Variants in IREB2 observed in about 807,000 individuals in gnomAD.
The protein encoded by IREB2 is iron responsive element binding protein 2.
Under a neutral mutation model 118.8 loss-of-function variants are expected in IREB2, and 39 were observed. That is an observed-to-expected ratio of 0.33 (90% CI 0.25 to 0.43). IREB2 has a LOEUF of 0.43. Among genes scored for constraint, IREB2 ranks in the 20% least tolerant of loss-of-function variants. The pLI is 1.00. For synonymous variants in IREB2, 372 were observed against 392.2 expected, an observed-to-expected ratio of 0.95 and a Z score of 0.61; for missense variants, 900 against 1,147.3, an observed-to-expected ratio of 0.78 and a Z score of 3.11.
At chr15:78,450,002 A>G (rs896974964) in intron 2 of IREB2, among the ~76,000 whole-genome samples, 1 of 152,170 alleles carries the variant, frequency 6.6e-6, no homozygotes, top group Non-Finnish European at 1.5e-5. Flanking sequence ...GATTCATAGA[A>G]TTCTAGAAAT....
intron 5 of IREB2, among the ~76,000 whole-genome samples, chr15:78,468,117 G>A (rs568604732): frequency 1.1e-3 from 169 of 152,292 alleles, no homozygotes; most frequent in Middle Eastern, 0.01. Context: ...GCTGCCCAAA[G>A]TGCTGGGATT....
intron 2 of IREB2, among the ~76,000 whole-genome samples, chr15:78,441,207 C>G (rs958633071): frequency 6.6e-6 from 1 of 152,080 alleles, no homozygotes; most frequent in South Asian, 2.1e-4. Context: ...TAAAGAATCC[C>G]CATTTTAGAA....
chr15:78,438,839 A>C (rs1464229084), intron 1 of IREB2: 4 of 161,056 alleles, frequency 2.5e-5, no homozygotes, highest in Non-Finnish European at 4.1e-5. Flanking sequence ...AATGAGGGGC[A>C]GTCAAGGTTG....
At chr15:78,483,870 C>A (rs2051615709) in intron 11 of IREB2, among the ~76,000 whole-genome samples, 1 of 151,678 alleles carries the variant, frequency 6.6e-6, no homozygotes, top group South Asian at 2.1e-4. Context: ...TGCAACCTCC[C>A]CCCTCCCGGG....
At chr15:78,453,325 T>C (rs2051054799) in intron 2 of IREB2, among the ~76,000 whole-genome samples, 3 of 152,166 alleles carry the variant, frequency 2.0e-5, no homozygotes, top group Admixed American at 2.0e-4. Flanking sequence ...TACAAGGCTG[T>C]TGGGATTCTA....
In IREB2 at chr15:78,466,580, T is replaced by TA. The variant is rs1491259198; in HGVS notation, c.629+92dup. On this transcript the variant is annotated intron_variant, in intron 5 of 21. Transcript: ENST00000258886. ...TATTCTCTTCCCACCCAATTACTAT[T>TA]ATGTTACCTTCACACTTAAGTACTG... 4 of 817,788 alleles carry TA rather than the reference T, an allele frequency of 4.9e-6. No individual in the cohort carries two copies. In the East Asian group the frequency reaches 1.0e-4, roughly 21 times the overall value. The allele number at this position is 817,788 out of a possible 1,614,324, so 50.7% of individuals were successfully genotyped here. A position where few individuals can be genotyped will look rare whatever the true frequency, so the allele number is the denominator to read the frequency against.
chr15:78,479,073 C>T (rs200074623), intron 10 of IREB2, among the ~76,000 whole-genome samples: 1 of 152,056 alleles, frequency 6.6e-6, no homozygotes, highest in East Asian at 1.9e-4. Flanking sequence ...CATGAGCCAC[C>T]ACCATGCTTA....
chr15:78,490,545 T>C lies in IREB2; in HGVS notation c.2181+19T>C, dbSNP rs762870315. The C allele has an allele frequency of 3.7e-6, 6 of 1,602,940 alleles. No homozygotes were observed. The South Asian group carries it at 5.6e-5, about 15-fold the overall frequency. ...TAAACTTGTAAGTACTGTTTTACTA[T>C]TTGATCTTTTAAAGATTGTTATAAA... is the stretch of plus-strand genomic sequence containing the variant. On this transcript the variant is annotated intron_variant, in intron 17 of 21. Coordinates refer to ENST00000258886, the MANE Select transcript of IREB2 (RefSeq NM_004136.4).
At chr15:78,448,364 C>G (rs1391847755) in intron 2 of IREB2, among the ~76,000 whole-genome samples, 1 of 152,074 alleles carries the variant, frequency 6.6e-6, no homozygotes, top group Admixed American at 6.6e-5. Context: ...AGGCTGGTCT[C>G]GAGCTCCTGG....
At chr15:78,452,045 G>C (rs746561309) in intron 2 of IREB2, among the ~76,000 whole-genome samples, 4 of 152,198 alleles carry the variant, frequency 2.6e-5, no homozygotes, top group Non-Finnish European at 4.4e-5. Context: ...GGCATCAGCA[G>C]TTTAGGACCA....
At chr15:78,439,920 CTAA>C (rs2050819123) in intron 2 of IREB2, 39 bp downstream of exon 2, 1 of 1,238,976 alleles carries the variant, frequency 8.1e-7, no homozygotes, top group East Asian at 2.3e-5. Context: ...TGTTTAGTCT[CTAA>C]TAATGAAAAT....
chr15:78,454,992 T>A (rs560527721), intron 2 of IREB2, among the ~76,000 whole-genome samples: 1 of 152,058 alleles, frequency 6.6e-6, no homozygotes, highest in Non-Finnish European at 1.5e-5. Flanking sequence ...GCCCAGCCAG[T>A]AAAGTTAGTT....
Position 78,497,235 on chromosome 15 carries a change from T to G in IREB2, c.2705T>G (p.Leu902Trp). ...CTTCCAGGAGAAAATGCAGATTCCT[T>G]GGGCCTCTCCGGTAGAGAAACATTT... ...QFLPGENADSLGLSGRETFSL... is the reference protein window; with the variant it reads ...QFLPGENADSWGLSGRETFSL... Residue 902 changes from leucine to tryptophan, a missense_variant, in exon 21 of 22, where the codon TTG (leucine) becomes TGG (tryptophan). Coordinates refer to ENST00000258886, the MANE Select transcript of IREB2 (RefSeq NM_004136.4). 6.2e-7 allele frequency: 1 copy of G among 1,613,926 alleles called. No homozygotes were observed. Among genetic ancestry groups the G allele is most frequent in the Non-Finnish European group, 8.5e-7 (1 of 1,179,790 alleles).
At position 78,461,387 on chromosome 15, in the gene IREB2, T is replaced by G. The variant is rs543974521; in HGVS notation, c.107-1535T>G. Among the ~76,000 whole-genome samples, 29 of 152,252 alleles carry G rather than the reference T, an allele frequency of 1.9e-4. No homozygotes were observed. The South Asian group carries it at 2.9e-3, about 15-fold the overall frequency. On this transcript the variant is annotated intron_variant, in intron 2 of 21. Coordinates refer to ENST00000258886, the MANE Select transcript of IREB2 (RefSeq NM_004136.4). ...AAAGAGCCTTACCCTTCACCCCTTT[T>G]CCCTCTTCTATCATTTCAGTGACTA... is the stretch of plus-strand genomic sequence containing the variant.
Position 78,469,859 on chromosome 15 carries a change from G to A in IREB2, c.630-673G>A, listed in dbSNP as rs184453119. 2.6e-5 allele frequency among the ~76,000 whole-genome samples: 4 copies of A among 152,294 alleles called. No homozygotes were observed. The East Asian group carries it at 7.7e-4, about 29-fold the overall frequency. ...CACCAGCTGGCAGGTAAAAGAAGCA[G>A]CTTAAAGCTGTTTGAAATAATTTTT... On this transcript the variant is annotated intron_variant, in intron 5 of 21. Coordinates refer to ENST00000258886, the MANE Select transcript of IREB2 (RefSeq NM_004136.4).
intron 2 of IREB2, among the ~76,000 whole-genome samples, chr15:78,455,569 GAAAAAAAA>G (rs199544266): frequency 4.1e-5 from 4 of 98,394 alleles, no homozygotes; most frequent in Admixed American, 1.0e-4. Context: ...CATCTCTATT[GAAAAAAAA>G]AAGAAAAAAA....
At chr15:78,449,149 C>A (rs2050980616) in intron 2 of IREB2, among the ~76,000 whole-genome samples, 1 of 152,188 alleles carries the variant, frequency 6.6e-6, no homozygotes, top group African/African-American at 2.4e-5. Flanking sequence ...CTTCTGATTT[C>A]AAGACCAACG....
chr15:78,458,411 T>C (rs988105127), intron 2 of IREB2, among the ~76,000 whole-genome samples: 1 of 152,138 alleles, frequency 6.6e-6, no homozygotes. Context: ...ATGGGAAATC[T>C]CTATACCTTC....
chr15:78,481,504 C>T (rs1024485584), intron 10 of IREB2, among the ~76,000 whole-genome samples: 19 of 150,338 alleles, frequency 1.3e-4, no homozygotes, highest in African/African-American at 3.9e-4. Flanking sequence ...TACAGGTGCC[C>T]GCCACCACAC....
Sources: gnomAD v4.1 joint callset for allele counts (sites outside exome capture counted in the v4.1 genomes callset) on GRCh38, gnomAD v4.1.1 for gene constraint, MANE v1.5 for transcripts, NCBI Gene and HGNC (gene_info 2026-07-23, HGNC 2026-07-21) for gene names.